LINGO3: variants seen among roughly 807,000 people sequenced by gnomAD.
LINGO3 encodes the protein leucine rich repeat and Ig domain containing 3, also known as leucine-rich repeat and immunoglobulin-like domain-containing nogo receptor-interacting protein 3.
For missense variants in LINGO3, 750 were observed against 867.7 expected, an observed-to-expected ratio of 0.86 and a Z score of 1.70; for synonymous variants, 427 against 444.2, an observed-to-expected ratio of 0.96 and a Z score of 0.49.
At chr19:2,303,638 G>A in the LINGO3 span, among the ~76,000 whole-genome samples, 2 of 152,254 alleles carry the variant, frequency 1.3e-5, no homozygotes, top group Non-Finnish European at 1.5e-5. Flanking sequence ...GATCTGGGTT[G>A]CAGTTGGAAG....
the LINGO3 span, among the ~76,000 whole-genome samples, chr19:2,300,777 C>A: frequency 6.6e-6 from 1 of 152,158 alleles, no homozygotes; most frequent in Non-Finnish European, 1.5e-5. Context: ...CAACATTCAA[C>A]GCGCTCCTCC....
chr19:2,304,868 C>T, the LINGO3 span, among the ~76,000 whole-genome samples: 10 of 151,866 alleles, frequency 6.6e-5, no homozygotes, highest in South Asian at 1.2e-3. Context: ...CCACCACGTC[C>T]GGCTAATTTT....
chr19:2,302,417 C>G, the LINGO3 span, among the ~76,000 whole-genome samples: 1 of 152,172 alleles, frequency 6.6e-6, no homozygotes, highest in Non-Finnish European at 1.5e-5. Context: ...AATCAGTGTA[C>G]GGGACATCAG....
At chr19:2,307,174 A>T in the LINGO3 span, among the ~76,000 whole-genome samples, 1 of 152,084 alleles carries the variant, frequency 6.6e-6, no homozygotes, top group African/African-American at 2.4e-5. Context: ...CCCCCGCCGG[A>T]GCAAGGGTGT....
chr19:2,307,281 G>A, the LINGO3 span, among the ~76,000 whole-genome samples: 4 of 152,188 alleles, frequency 2.6e-5, no homozygotes, highest in African/African-American at 7.2e-5. Flanking sequence ...CCTCAGAACT[G>A]GGGGGGCCGG....
At chr19:2,303,354 T>C in the LINGO3 span, among the ~76,000 whole-genome samples, 1 of 51,386 alleles carries the variant, frequency 1.9e-5, no homozygotes, top group Non-Finnish European at 5.2e-5. Flanking sequence ...AGCAGGGAGC[T>C]GTGGGGGGGG....
In LINGO3 at chr19:2,290,409, C is replaced by T. The variant is rs2025506742; in HGVS notation, c.1368G>A (p.Arg456=). The change falls in exon 1 of 1, where the codon CGG becomes CGA. Residue 456 remains arginine (R), a synonymous_variant. Transcript: ENST00000585527. This position sits in a 1 kb window ranked among gnomAD's most constrained non-coding sequence, Gnocchi z 6.0. The stretch of plus-strand genomic sequence containing the variant: ...GCGTCCCCCCGGGGAGCACGCGCGC[C>T]CGGCCCGCGCTGGTGGCCGTCACCG... 2.1e-6 allele frequency: 3 copies of T among 1,426,962 alleles called. No homozygotes were observed. Among genetic ancestry groups the T allele is most frequent in the Non-Finnish European group, 2.7e-6 (3 of 1,098,098 alleles). 88.4% of individuals were successfully genotyped at this position (1,426,962 alleles called of 1,614,324 possible).
chr19:2,305,897 AC>A, the LINGO3 span, among the ~76,000 whole-genome samples: 5 of 151,834 alleles, frequency 3.3e-5, no homozygotes, highest in Admixed American at 2.6e-4. Flanking sequence ...GTCCCCCAGG[AC>A]CCCTGCATCC....
upstream of LINGO3, among the ~76,000 whole-genome samples, chr19:2,292,399 C>CA (rs1156254881): frequency 0.039 from 1,662 of 42,576 alleles, 92 homozygotes; most frequent in Non-Finnish European, 0.053. Context: ...AACCCTGTCT[C>CA]AAAAAAAAAA....
chr19:2,296,081 C>T (rs1437737162), upstream of LINGO3, among the ~76,000 whole-genome samples: 7 of 152,294 alleles, frequency 4.6e-5, no homozygotes, highest in South Asian at 1.2e-3. Context: ...GCAATCCTTC[C>T]CTCCCAGCAA....
chr19:2,293,821 G>A (rs1363741971), upstream of LINGO3, among the ~76,000 whole-genome samples: 5 of 151,780 alleles, frequency 3.3e-5, no homozygotes, highest in Admixed American at 6.6e-5. Flanking sequence ...GGGAGGCCGA[G>A]GTGGGTGGAT....
rs8111892 is a variant in LINGO3, at chr19:2,290,871, G to T, written c.906C>A (p.Ala302=). The stretch of plus-strand genomic sequence containing the variant: ...GCTCCACCACAGCCAGCAGGGCCCC[G>T]GCCAGGTGCAGCTCGCGCAGGCGGA... The change falls in exon 1 of 1, where the codon GCC becomes GCA. Residue 302 remains alanine (A), a synonymous_variant. Transcript: ENST00000585527. The surrounding 1 kb of genome is among the most constrained non-coding windows in gnomAD (Gnocchi z 6.0). The T allele has an allele frequency of 6.2e-6, 10 of 1,611,060 alleles. No homozygotes were observed. Among genetic ancestry groups the T allele is most frequent in the Non-Finnish European group, 8.5e-6 (10 of 1,179,088 alleles).
At chr19:2,287,761 C>G (rs2025480248), downstream of LINGO3, among the ~76,000 whole-genome samples, 3 of 152,158 alleles carry the variant, frequency 2.0e-5, no homozygotes, top group African/African-American at 7.2e-5. This position sits in a 1 kb window ranked among gnomAD's most constrained non-coding sequence, Gnocchi z 4.5. Flanking sequence ...CCCTCAGACC[C>G]ATTTTACAGA....
chr19:2,287,891 G>T (rs536305875), downstream of LINGO3, among the ~76,000 whole-genome samples: 8 of 152,236 alleles, frequency 5.3e-5, no homozygotes, highest in East Asian at 1.5e-3. This position sits in a 1 kb window ranked among gnomAD's most constrained non-coding sequence, Gnocchi z 4.5. Context: ...CTAACCTCTT[G>T]GTTGGCAGCC....
Position 2,290,596 on chromosome 19 carries a change from G to A in LINGO3, c.1181C>T (p.Pro394Leu), listed in dbSNP as rs556289498. The change falls in exon 1 of 1, where the codon CCG (proline) becomes CTG (leucine). Residue 394 changes from proline to leucine, a missense_variant. By Grantham distance (98) the Pro-to-Leu change is moderately conservative. Transcript: ENST00000585527. This position sits in a 1 kb window ranked among gnomAD's most constrained non-coding sequence, Gnocchi z 6.0. ...GAAGTACTCGAACAGCACGGAGTCC[G>A]GCAGGTTTCGCAGCGCGTCGCCGCG... 10 of 1,583,582 alleles carry A rather than the reference G, an allele frequency of 6.3e-6. No homozygotes were observed. The highest frequency in any genetic ancestry group is 1.1e-5 in the South Asian group (1 of 88,638).
At chr19:2,291,726 C>G in exon 1 of LINGO3, 1 of 1,346,004 alleles carries the variant, frequency 7.4e-7, no homozygotes, top group Non-Finnish European at 9.5e-7. Context: ...GGGGCGGCGC[C>G]GCGGGCAGCA....
chr19:2,293,870 T>C (rs1033320819), upstream of LINGO3, among the ~76,000 whole-genome samples: 2 of 151,760 alleles, frequency 1.3e-5, no homozygotes, highest in Non-Finnish European at 2.9e-5. Context: ...CTGGGCAACA[T>C]GGGGAACCCC....
At chr19:2,296,814 CAT>C (rs2025576062), upstream of LINGO3, among the ~76,000 whole-genome samples, 1 of 151,056 alleles carries the variant, frequency 6.6e-6, no homozygotes. Context: ...ATAGGCCGGG[CAT>C]GGTGGCTCAC....
the LINGO3 span, among the ~76,000 whole-genome samples, chr19:2,298,845 A>T: frequency 0.045 from 6,793 of 151,996 alleles, 537 homozygotes; most frequent in African/African-American, 0.16. Context: ...GGCCCAAGAA[A>T]TTTTTTTTAA....
Sources: allele counts gnomAD v4.1 joint callset (sites outside exome capture counted in the v4.1 genomes callset), GRCh38; gene constraint gnomAD v4.1.1; non-coding constraint Gnocchi (gnomAD v3.1); transcripts MANE v1.5; gene names NCBI Gene and HGNC (gene_info 2026-07-23, HGNC 2026-07-21).